Variants in KCNAB2 observed in about 807,000 individuals in gnomAD.
The protein encoded by KCNAB2 is voltage-gated potassium channel subunit beta-2.
In KCNAB2, 29 loss-of-function variants were observed where a neutral mutation model predicts 63.6. The ratio of observed to expected loss-of-function variants is 0.46; its 90% CI spans 0.34 to 0.62. KCNAB2 has a LOEUF of 0.62. KCNAB2 is among the 20% of genes least tolerant of loss of function. The pLI is 0.01. For missense variants in KCNAB2, 359 were observed against 563.9 expected (o/e 0.64, Z 3.68); for synonymous variants, 222 against 224.2 (o/e 0.99, Z 0.09).
chr1:6,093,717 G>A (rs1040695290), intron 10 of KCNAB2, among the ~76,000 whole-genome samples: 4 of 152,258 alleles, frequency 2.6e-5, no homozygotes, highest in Admixed American at 6.5e-5. Context: ...GGACAGGCGG[G>A]TTGGGACTCT....
At chr1:6,033,636 C>T (rs137893611), upstream of KCNAB2, among the ~76,000 whole-genome samples, 1 of 152,230 alleles carries the variant, frequency 6.6e-6, no homozygotes, top group East Asian at 1.9e-4. Flanking sequence ...ATTATTTCCA[C>T]TTTTATGAGG....
intron 1 of KCNAB2, among the ~76,000 whole-genome samples, chr1:5,997,973 G>A (rs1657031024): frequency 6.6e-6 from 1 of 152,268 alleles, no homozygotes; most frequent in Non-Finnish European, 1.5e-5. Context: ...GGGATGCAGT[G>A]ACCACATGCC....
intron 1 of KCNAB2, among the ~76,000 whole-genome samples, chr1:6,016,015 T>C (rs1313870853): frequency 4.6e-5 from 7 of 152,160 alleles, no homozygotes; most frequent in Admixed American, 4.6e-4. Context: ...AGAGATGTTT[T>C]TATTTAAAAA....
intron 1 of KCNAB2, among the ~76,000 whole-genome samples, chr1:6,013,642 G>A (rs951700295): frequency 1.3e-5 from 2 of 152,094 alleles, no homozygotes; most frequent in African/African-American, 2.4e-5. Context: ...GGAGCCACCT[G>A]CACCCCTGTC....
At chr1:6,077,934 C>T (rs764814334) in intron 4 of KCNAB2, among the ~76,000 whole-genome samples, 78 of 152,210 alleles carry the variant, frequency 5.1e-4, no homozygotes, top group Admixed American at 2.5e-3. Context: ...GCCACCAATG[C>T]GCGGCTGAAA....
intron 1 of KCNAB2, among the ~76,000 whole-genome samples, chr1:6,011,396 G>A (rs1463543814): frequency 6.6e-6 from 1 of 151,586 alleles, no homozygotes; most frequent in Non-Finnish European, 1.5e-5. Context: ...CTGTGCCCAG[G>A]GCCAGGTGTG....
intron 5 of KCNAB2, among the ~76,000 whole-genome samples, chr1:6,082,695 G>A (rs887062868): frequency 1.3e-5 from 2 of 152,310 alleles, no homozygotes; most frequent in Non-Finnish European, 2.9e-5. Context: ...CCATCTTGGC[G>A]GTGAACTTTC....
chr1:6,020,328 T>C (rs1471254350), intron 1 of KCNAB2, among the ~76,000 whole-genome samples: 1 of 152,070 alleles, frequency 6.6e-6, no homozygotes, highest in African/African-American at 2.4e-5. Context: ...TGGCTCGGGA[T>C]CTCGTTCTGT....
At chr1:6,045,836 C>T (rs1230744267), upstream of KCNAB2, 3 of 911,498 alleles carry the variant, frequency 3.3e-6, no homozygotes, top group Non-Finnish European at 3.9e-6. This position sits in a 1 kb window ranked among gnomAD's most constrained non-coding sequence, Gnocchi z 4.8. Flanking sequence ...GCCTGAGGGA[C>T]GGGCAGGACC....
Position 6,023,745 on chromosome 1 carries a change from A to G in KCNAB2, c.-52-16772A>G, listed in dbSNP as rs559541529. ...ATTTTCACTCACTCTGGGTTGCCTT[A>G]TTACTGTTGATAGTGCCTTCTATTT... On this transcript the variant is annotated intron_variant, in intron 1 of 16. Transcript: ENST00000341524. Among the ~76,000 whole-genome samples, 15 of 152,134 alleles carry G rather than the reference A, an allele frequency of 9.9e-5. No homozygotes were observed. The South Asian group carries it at 3.1e-3, about 32-fold the overall frequency.
At chr1:6,055,802 C>T (rs1360318539) in intron 2 of KCNAB2, among the ~76,000 whole-genome samples, 2 of 152,096 alleles carry the variant, frequency 1.3e-5, no homozygotes, top group South Asian at 2.1e-4. Flanking sequence ...TGGGATGCTC[C>T]GTGACTCAGA....
At chr1:6,090,320 T>C in intron 8 of KCNAB2, 69 bp from the exon 9 acceptor site, 2 of 1,121,438 alleles carry the variant, frequency 1.8e-6, no homozygotes, top group Non-Finnish European at 2.7e-6. Context: ...GAGCCGGGCA[T>C]GGATGGGCCC....
rs1387405818 is a variant in KCNAB2 at position 6,096,143 on chromosome 1, C to G, written c.949-493C>G. The G allele has an allele frequency of 2.2e-6, 1 of 457,516 alleles. No individual in the cohort carries two copies. Among genetic ancestry groups the G allele is most frequent in the South Asian group, 1.5e-5 (1 of 64,560 alleles). 28.3% of individuals were successfully genotyped at this position (457,516 alleles called of 1,614,324 possible). ...CAGCCAGCAGTCTCAGCACTGGGGC[C>G]CACAGCCCTGGGTTCCAGGGCAACG... On this transcript the variant is annotated intron_variant, in intron 13 of 15. Transcript: ENST00000378083. This position sits in a 1 kb window ranked among gnomAD's most constrained non-coding sequence, Gnocchi z 5.9.
intron 1 of KCNAB2, among the ~76,000 whole-genome samples, chr1:6,009,056 C>T (rs1657992256): frequency 6.6e-6 from 1 of 152,230 alleles, no homozygotes; most frequent in African/African-American, 2.4e-5. Flanking sequence ...AACCCTTCTC[C>T]CCCAGGAGCT....
chr1:6,026,424 G>C (rs187268204), intron 1 of KCNAB2: 1 of 152,296 alleles, frequency 6.6e-6, no homozygotes, highest in African/African-American at 2.4e-5. Flanking sequence ...CCTTGTCTCC[G>C]GTCGTTCCCG....
chr1:6,033,320 A>T (rs1384285042), upstream of KCNAB2, among the ~76,000 whole-genome samples: 1 of 145,434 alleles, frequency 6.9e-6, no homozygotes, highest in Non-Finnish European at 1.5e-5. Flanking sequence ...TGTGCATTGC[A>T]TGTGTGCCTG....
In KCNAB2 at chr1:6,069,864, T is replaced by C. The variant is rs1663054440; in HGVS notation, c.219-2891T>C. 6.6e-6 allele frequency among the ~76,000 whole-genome samples: 1 copy of C among 152,172 alleles called. No homozygotes were observed. Among genetic ancestry groups the C allele is most frequent in the African/African-American group, 2.4e-5 (1 of 41,432 alleles). On this transcript the variant is annotated intron_variant, in intron 2 of 15. Transcript: ENST00000378083. The surrounding 1 kb of genome is among the most constrained non-coding windows in gnomAD (Gnocchi z 5.4). The stretch of plus-strand genomic sequence containing the variant: ...CACGTGGTGCCCTAGTTTTGTTAAA[T>C]TAGTCCTGTGGGTGGTGGGTGGAAG...
chr1:6,042,543 G>A (rs997762587), upstream of KCNAB2, among the ~76,000 whole-genome samples: 13 of 152,248 alleles, frequency 8.5e-5, no homozygotes, highest in East Asian at 9.7e-4. Context: ...CTGTAAGGCA[G>A]GGGATGCATG....
rs377590385 is a variant in KCNAB2, at chr1:6,038,248, A to G, written c.-52-2269A>G. Among the ~76,000 whole-genome samples the G allele has an allele frequency of 3.6e-4, 55 of 152,014 alleles. 3 individuals are homozygous for G. In the South Asian group the frequency reaches 0.011, roughly 31 times the overall value. ...CCCCACCACTTCCTCTGAGGTTAGCATAGTGCTGGATCTTCTCTGCATCTT... is the reference window on the plus strand; with the variant it reads ...CCCCACCACTTCCTCTGAGGTTAGCGTAGTGCTGGATCTTCTCTGCATCTT... On this transcript the variant is annotated intron_variant, in intron 1 of 15. Transcript: ENST00000164247.
Sources: allele counts gnomAD v4.1 joint callset (sites outside exome capture counted in the v4.1 genomes callset), GRCh38; gene constraint gnomAD v4.1.1; non-coding constraint Gnocchi (gnomAD v3.1); transcripts MANE v1.5; gene names NCBI Gene and HGNC (gene_info 2026-07-23, HGNC 2026-07-21).